Variants in CDH18 observed in about 807,000 individuals in gnomAD.
The protein encoded by CDH18 is cadherin 18, also known as cadherin-18.
CDH18 carries 31 observed loss-of-function variants against 67.9 expected under a neutral mutation model. That is an observed-to-expected ratio of 0.46 (90% CI 0.34 to 0.62). The LOEUF is 0.62. Ranked by LOEUF, CDH18 falls within the 20% of genes least tolerant of loss-of-function variation. CDH18 has a pLI of 0.01. For missense variants in CDH18, 890 were observed against 975.5 expected (o/e 0.91, Z 1.17); for synonymous variants, 362 against 347.2 (o/e 1.04, Z -0.48).
chr5:20,225,405 C>G (rs941859330), intron 2 of CDH18, among the ~76,000 whole-genome samples: 1 of 152,074 alleles, frequency 6.6e-6, no homozygotes, highest in African/African-American at 2.4e-5. Flanking sequence ...GATCAACTTT[C>G]TACGTCATAA....
chr5:19,951,906 A>G (rs554717663), intron 2 of CDH18, among the ~76,000 whole-genome samples: 87 of 152,326 alleles, frequency 5.7e-4, no homozygotes, highest in African/African-American at 2.0e-3. Flanking sequence ...ATACAAAATT[A>G]GCAAGTCACT....
chr5:19,547,678 G>A (rs1466230648), intron 8 of CDH18, among the ~76,000 whole-genome samples: 1 of 152,022 alleles, frequency 6.6e-6, no homozygotes, highest in African/African-American at 2.4e-5. Flanking sequence ...TTATATATTA[G>A]AAAAATGGTA....
intron 8 of CDH18, among the ~76,000 whole-genome samples, chr5:19,569,609 G>T (rs971100228): frequency 2.8e-4 from 43 of 152,074 alleles, no homozygotes. Context: ...TTATCATGAG[G>T]ACTACTATAA....
chr5:19,605,602 C>T (rs1251327777), intron 6 of CDH18, among the ~76,000 whole-genome samples: 2 of 151,940 alleles, frequency 1.3e-5, no homozygotes, highest in Non-Finnish European at 2.9e-5. Flanking sequence ...GTATATCTAA[C>T]TCTGTCATAT....
At position 20,257,785 on chromosome 5, in the gene CDH18, C is replaced by T. The variant is rs186168888; in HGVS notation, c.-579-2280G>A. On this transcript the variant is annotated intron_variant, in intron 1 of 14. Coordinates refer to the CDH18 transcript ENST00000507958. ...ACTAAGAAACATATTTCACTTCACT[C>T]GAAATCACACTATCTTGTCTCCTTT... Among the ~76,000 whole-genome samples the T allele has an allele frequency of 1.5e-3, 221 of 152,202 alleles. 1 individual carries two copies. The highest frequency in any genetic ancestry group is 5.0e-3 in the African/African-American group (206 of 41,552).
intron 1 of CDH18, among the ~76,000 whole-genome samples, chr5:20,506,995 A>G (rs1312977726): frequency 6.6e-6 from 1 of 152,178 alleles, no homozygotes; most frequent in Admixed American, 6.5e-5. Context: ...ATAAACTTTT[A>G]GTCATGCTGC....
chr5:20,233,843 T>C (rs1035143893), intron 2 of CDH18, among the ~76,000 whole-genome samples: 8 of 152,174 alleles, frequency 5.3e-5, no homozygotes, highest in African/African-American at 9.7e-5. Context: ...ATTTTAATTT[T>C]GCAGTGTTCT....
At chr5:20,076,378 C>G (rs577468265) in intron 2 of CDH18, among the ~76,000 whole-genome samples, 43 of 152,036 alleles carry the variant, frequency 2.8e-4, no homozygotes, top group African/African-American at 1.0e-3. Context: ...TTGTCTTTGT[C>G]TATTTGTTTT....
chr5:19,897,188 T>A (rs1393326090), intron 2 of CDH18, among the ~76,000 whole-genome samples: 1 of 152,136 alleles, frequency 6.6e-6, no homozygotes, highest in Non-Finnish European at 1.5e-5. Flanking sequence ...ATACAATTTA[T>A]ATGACAAATT....
chr5:20,329,284 T>C (rs1476613701), intron 1 of CDH18, among the ~76,000 whole-genome samples: 4 of 152,192 alleles, frequency 2.6e-5, no homozygotes, highest in Non-Finnish European at 5.9e-5. Flanking sequence ...GATCTATTTC[T>C]TTTGAAGTTT....
intron 1 of CDH18, among the ~76,000 whole-genome samples, chr5:20,416,370 A>G (rs1747308868): frequency 6.6e-6 from 1 of 152,132 alleles, no homozygotes; most frequent in Admixed American, 6.5e-5. Context: ...AGAATTAAGT[A>G]ATTATATTTT....
chr5:19,948,739 A>G (rs1283365241), intron 2 of CDH18, among the ~76,000 whole-genome samples: 1 of 152,164 alleles, frequency 6.6e-6, no homozygotes, highest in East Asian at 1.9e-4. Flanking sequence ...ATGGCATACT[A>G]TATTTATGCA....
At chr5:19,768,128 T>C (rs1184989136) in intron 3 of CDH18, among the ~76,000 whole-genome samples, 2 of 152,112 alleles carry the variant, frequency 1.3e-5, no homozygotes, top group African/African-American at 4.8e-5. Context: ...TTATGTGAAC[T>C]CTGATGGTTC....
chr5:20,356,754 T>TATAC (rs1741653713), intron 1 of CDH18, among the ~76,000 whole-genome samples: 1 of 113,166 alleles, frequency 8.8e-6, no homozygotes, highest in Admixed American at 9.3e-5. Context: ...TCTCTCTCTC[T>TATAC]ATATATATAT....
At chr5:19,928,541 A>G (rs896584899) in intron 2 of CDH18, among the ~76,000 whole-genome samples, 1 of 152,194 alleles carries the variant, frequency 6.6e-6, no homozygotes, top group South Asian at 2.1e-4. Context: ...TAGCATGTAT[A>G]TCCATACATG....
chr5:20,202,714 C>T (rs1298528664), intron 2 of CDH18, among the ~76,000 whole-genome samples: 1 of 151,374 alleles, frequency 6.6e-6, no homozygotes, highest in Non-Finnish European at 1.5e-5. Context: ...ATTATTGTTA[C>T]TACTTTTATA....
At chr5:20,114,747 T>C (rs1237971182) in intron 2 of CDH18, among the ~76,000 whole-genome samples, 1 of 152,154 alleles carries the variant, frequency 6.6e-6, no homozygotes, top group African/African-American at 2.4e-5. Flanking sequence ...CAGTCATCAC[T>C]GGAAAAGAGT....
intron 2 of CDH18, among the ~76,000 whole-genome samples, chr5:20,041,395 T>C (rs942244210): frequency 2.0e-5 from 3 of 152,218 alleles, no homozygotes; most frequent in Admixed American, 1.3e-4. Flanking sequence ...TTAGGACACC[T>C]TCTTTTAAAT....
At chr5:19,635,650 T>C (rs1055291620) in intron 5 of CDH18, among the ~76,000 whole-genome samples, 1 of 152,010 alleles carries the variant, frequency 6.6e-6, no homozygotes. Flanking sequence ...AAACAAAGAG[T>C]ATAAATTCTT....
Sources: allele counts gnomAD v4.1 joint callset (sites outside exome capture counted in the v4.1 genomes callset), GRCh38; gene constraint gnomAD v4.1.1; transcripts MANE v1.5; gene names NCBI Gene and HGNC (gene_info 2026-07-23, HGNC 2026-07-21).